MTIF2: variants seen among roughly 807,000 people sequenced by gnomAD.
MTIF2 encodes the protein mitochondrial translational initiation factor 2.
MTIF2 carries 71 observed loss-of-function variants against 83.5 expected under a neutral mutation model. That is an observed-to-expected ratio of 0.85 (90% CI 0.70 to 1.04). The LOEUF is 1.04. Among genes scored for constraint, MTIF2 ranks in the 50% least tolerant of loss-of-function variants. The probability of loss-of-function intolerance (pLI) is 0.00; values close to 1 mark genes in which losing one functional copy is unlikely to be tolerated. For missense variants in MTIF2, 957 were observed against 846.5 expected, an observed-to-expected ratio of 1.13 and a Z score of -1.62; for synonymous variants, 319 against 287.1, an observed-to-expected ratio of 1.11 and a Z score of -1.12.
At chr2:55,248,380 G>C (rs1448564064) in intron 9 of MTIF2, among the ~76,000 whole-genome samples, 1 of 152,088 alleles carries the variant, frequency 6.6e-6, no homozygotes, top group Admixed American at 6.6e-5. Context: ...GAAAAGTAAA[G>C]ATGAAGTGAG....
chr2:55,240,061 T>C lies in MTIF2; in HGVS notation c.1820A>G (p.Gln607Arg), dbSNP rs1208833850. 3.1e-6 allele frequency: 5 copies of C among 1,613,552 alleles called. No homozygotes were observed. The highest frequency in any genetic ancestry group is 4.2e-6 in the Non-Finnish European group (5 of 1,180,010). ...KIIYRLVEDL[Q>R]EELSSRLPCA... ...GGGTAATCTGCTGCTCAGTTCCTCTTGCAAATCTTCAACAAGACGGTAAAT... is the reference window on the plus strand; with the variant it reads ...GGGTAATCTGCTGCTCAGTTCCTCTCGCAAATCTTCAACAAGACGGTAAAT... The change falls in exon 14 of 16, where the codon CAA becomes CGA. Residue 607 changes from glutamine (Q) to arginine (R), a missense_variant. Physicochemically the swap from Gln to Arg is conservative, Grantham distance 43 (BLOSUM62 1). Transcript: ENST00000263629.
chr2:55,241,359 G>A (rs1228423135), intron 13 of MTIF2, among the ~76,000 whole-genome samples: 14 of 149,322 alleles, frequency 9.4e-5, no homozygotes, highest in African/African-American at 2.2e-4. Flanking sequence ...TGGTGGGTGC[G>A]GTGAGCCAAG....
chr2:55,247,964 C>A (rs1676824853), intron 9 of MTIF2, among the ~76,000 whole-genome samples: 1 of 152,184 alleles, frequency 6.6e-6, no homozygotes, highest in East Asian at 1.9e-4. Flanking sequence ...CATCTCAGCT[C>A]GCTGCAACCT....
rs146193084 is a variant in MTIF2, at chr2:55,264,492, C to T, written c.-7-627G>A. On this transcript the variant is annotated intron_variant, in intron 3 of 15. Coordinates refer to ENST00000263629, the MANE Select transcript of MTIF2 (RefSeq NM_002453.3). Reference sequence around the variant, plus strand: ...GATCTAGTGATCCACCTTGGCCTCCCACAGTGTTGAAATTACAGGCATGAG... The same window carrying T: ...GATCTAGTGATCCACCTTGGCCTCCTACAGTGTTGAAATTACAGGCATGAG... 1.3e-3 allele frequency among the ~76,000 whole-genome samples: 203 copies of T among 152,278 alleles called. 1 individual carries two copies. The highest frequency in any genetic ancestry group is 4.8e-3 in the African/African-American group (200 of 41,558).
chr2:55,246,008 T>C (rs974618097), intron 10 of MTIF2, among the ~76,000 whole-genome samples: 1 of 152,160 alleles, frequency 6.6e-6, no homozygotes, highest in African/African-American at 2.4e-5. Context: ...AATGCAACCA[T>C]TGGTATTTCA....
intron 13 of MTIF2, among the ~76,000 whole-genome samples, chr2:55,241,213 T>A (rs1676279181): frequency 6.7e-6 from 1 of 149,714 alleles, no homozygotes; most frequent in South Asian, 2.1e-4. Flanking sequence ...AGGTTGGGAG[T>A]TCAAGACCAG....
intron 3 of MTIF2, 149 bp from the exon 4 acceptor site, chr2:55,264,014 C>A (rs1475221903): frequency 3.2e-6 from 2 of 625,402 alleles, no homozygotes; most frequent in Non-Finnish European, 5.6e-6. Flanking sequence ...TGAAAAATCT[C>A]AGTCTCATCA....
intron 1 of MTIF2, 101 bp from the exon 2 acceptor site, chr2:55,268,840 G>T (rs898423751): frequency 2.6e-5 from 4 of 152,198 alleles, no homozygotes; most frequent in Non-Finnish European, 4.4e-5. Flanking sequence ...ATAAATCACT[G>T]CAGAAAAATT....
At chr2:55,239,879 G>A (rs1376504484) in intron 14 of MTIF2, 132 bp downstream of exon 14, 1 of 707,142 alleles carries the variant, frequency 1.4e-6, no homozygotes, top group East Asian at 2.8e-5. Flanking sequence ...GATTCTCATG[G>A]TAGTCATTTT....
intron 8 of MTIF2, among the ~76,000 whole-genome samples, chr2:55,249,824 G>A (rs1199241109): frequency 1.3e-5 from 2 of 152,244 alleles, no homozygotes; most frequent in Non-Finnish European, 2.9e-5. Flanking sequence ...GGGTGCGGTG[G>A]CTCATGCCTG....
In MTIF2 at chr2:55,243,653, C is replaced by T. The variant is rs1217307201; in HGVS notation, c.1327G>A (p.Val443Ile). Residue 443 changes from valine to isoleucine, a missense_variant, in exon 12 of 16, where the codon GTT becomes ATT. By Grantham distance (29) the Val-to-Ile change is conservative. Around this residue, in one of 3 missense-constraint regions of MTIF2, gnomAD observed 733 missense variants for 648.7 expected, o/e 1.13. Transcript: ENST00000263629. ...TGTTCATATTTCCTCCAGTCAACAA[C>T]TTCACGTGCCCTTGGCTTTATAGGG... ...EVESEPRARE[V>I]VDWRKYEQEQ... 6.2e-7 allele frequency: 1 copy of T among 1,613,340 alleles called. No homozygotes were observed. The highest frequency in any genetic ancestry group is 8.5e-7 in the Non-Finnish European group (1 of 1,179,846).
chr2:55,243,916 C>A, intron 11 of MTIF2, 113 bp downstream of exon 11: 2 of 1,029,196 alleles, frequency 1.9e-6, no homozygotes, highest in East Asian at 2.6e-5. Flanking sequence ...ATCCTCACAG[C>A]CCCTTATAAT....
In MTIF2 at chr2:55,248,465, T is replaced by A. The variant is rs547687760; in HGVS notation, c.981+930A>T. Among the ~76,000 whole-genome samples, 9 of 152,210 alleles carry A rather than the reference T, an allele frequency of 5.9e-5. No homozygotes were observed. The East Asian group carries it at 7.7e-4, about 13-fold the overall frequency. On this transcript the variant is annotated intron_variant, in intron 9 of 15. Coordinates refer to ENST00000263629, the MANE Select transcript of MTIF2 (RefSeq NM_002453.3). Reference sequence around the variant, plus strand: ...GATCAGGAGAAAAAAAAGGCTATATTATAAATAAACTTTGTAATATAATAA... The same window carrying A: ...GATCAGGAGAAAAAAAAGGCTATATAATAAATAAACTTTGTAATATAATAA...
chr2:55,236,976 C>A (rs868673309), intron 15 of MTIF2, among the ~76,000 whole-genome samples, 156 bp from the exon 16 acceptor site: 2 of 152,080 alleles, frequency 1.3e-5, no homozygotes, highest in African/African-American at 4.8e-5. Context: ...CAGGGGAACC[C>A]CCTCAAAAAT....
At chr2:55,263,592 A>G in intron 4 of MTIF2, 48 bp downstream of exon 4, 1 of 1,438,702 alleles carries the variant, frequency 7.0e-7, no homozygotes, top group East Asian at 2.3e-5. Context: ...CCGGGGTGAC[A>G]GGGTGAGACT....
chr2:55,262,863 G>T (rs920961135), intron 4 of MTIF2, among the ~76,000 whole-genome samples: 1 of 152,110 alleles, frequency 6.6e-6, no homozygotes, highest in Non-Finnish European at 1.5e-5. Flanking sequence ...TGAGTAGCTG[G>T]GACTACAGGC....
At chr2:55,254,884 T>C in intron 5 of MTIF2, 59 bp from the exon 6 acceptor site, 1 of 1,077,502 alleles carries the variant, frequency 9.3e-7, no homozygotes, top group South Asian at 2.2e-5. Flanking sequence ...AGAAGTAATC[T>C]CTATTAATAA....
intron 5 of MTIF2, among the ~76,000 whole-genome samples, chr2:55,260,699 C>T (rs1205194282): frequency 1.3e-5 from 2 of 152,142 alleles, no homozygotes; most frequent in African/African-American, 4.8e-5. Flanking sequence ...CTCACCTTCC[C>T]AGCCTGTAAA....
chr2:55,260,693 C>T (rs1285825956), intron 5 of MTIF2, among the ~76,000 whole-genome samples: 7 of 152,164 alleles, frequency 4.6e-5, no homozygotes, highest in Admixed American at 4.6e-4. Flanking sequence ...CTAAACCTCA[C>T]CTTCCCAGCC....
Sources: allele counts gnomAD v4.1 joint callset (sites outside exome capture counted in the v4.1 genomes callset), GRCh38; gene constraint gnomAD v4.1.1; regional missense constraint gnomAD v4.1.1; transcripts MANE v1.5; gene names NCBI Gene and HGNC (gene_info 2026-07-23, HGNC 2026-07-21).